Variants in CHST9 observed in about 807,000 individuals in gnomAD.
The protein encoded by CHST9 is GalNAc-4-sulfotransferase 2.
Under a neutral mutation model 44.4 loss-of-function variants are expected in CHST9, and 41 were observed. That is an observed-to-expected ratio of 0.92 (90% confidence interval 0.72 to 1.20). CHST9 has a LOEUF of 1.20. Among genes scored for constraint, CHST9 ranks in the 50% most tolerant of loss-of-function variants. The pLI is 0.00. For synonymous variants in CHST9, 171 were observed against 178.4 expected (o/e 0.96, Z 0.33); for missense variants, 504 against 516.5 (o/e 0.98, Z 0.23).
chr18:27,161,262 C>T (rs1347995270), intron 1 of CHST9, among the ~76,000 whole-genome samples: 3 of 152,156 alleles, frequency 2.0e-5, no homozygotes, highest in African/African-American at 7.2e-5. Context: ...TTATAAATTT[C>T]CCTGTACACA....
intron 4 of CHST9, among the ~76,000 whole-genome samples, chr18:26,989,820 G>C (rs987010762): frequency 6.6e-6 from 1 of 152,088 alleles, no homozygotes; most frequent in Non-Finnish European, 1.5e-5. Context: ...CATGGTGGCA[G>C]GTGCCTGTAA....
chr18:26,936,168 G>A (rs2055987839), intron 5 of CHST9: 1 of 152,168 alleles, frequency 6.6e-6, no homozygotes, highest in African/African-American at 2.4e-5. Context: ...GAATTCCACA[G>A]AATTAGCCTG....
chr18:27,165,489 C>A (rs1439394313), intron 1 of CHST9, among the ~76,000 whole-genome samples: 2 of 152,074 alleles, frequency 1.3e-5, no homozygotes, highest in Non-Finnish European at 2.9e-5. Context: ...TCCTCTCATC[C>A]CATGGTGGGA....
intron 2 of CHST9, among the ~76,000 whole-genome samples, chr18:27,071,073 T>C (rs2057834394): frequency 6.6e-6 from 1 of 152,174 alleles, no homozygotes; most frequent in Admixed American, 6.5e-5. Flanking sequence ...GTTTCTGGGC[T>C]CTGAGAATGA....
intron 2 of CHST9, among the ~76,000 whole-genome samples, chr18:27,112,595 G>GTGTGTGTGTGTGTT (rs2058281577): frequency 6.7e-6 from 1 of 150,004 alleles, no homozygotes; most frequent in African/African-American, 2.5e-5. Context: ...GTGTGTGTGT[G>GTGTGTGTGTGTGTT]TGTGTGTGTG....
intron 5 of CHST9, among the ~76,000 whole-genome samples, chr18:26,929,923 A>G (rs1204890540): frequency 6.6e-6 from 1 of 152,164 alleles, no homozygotes; most frequent in Non-Finnish European, 1.5e-5. Flanking sequence ...CAACATGCCA[A>G]TGCCTACTAG....
chr18:27,021,659 T>C (rs903692578), intron 4 of CHST9, among the ~76,000 whole-genome samples: 2 of 152,132 alleles, frequency 1.3e-5, no homozygotes, highest in African/African-American at 4.8e-5. Flanking sequence ...TGCTTCCCCA[T>C]TGCAGAATTT....
chr18:27,153,574 G>GTA (rs1179686350), intron 1 of CHST9, among the ~76,000 whole-genome samples: 2 of 148,822 alleles, frequency 1.3e-5, no homozygotes, highest in East Asian at 2.0e-4. Context: ...GTGTATGTGT[G>GTA]TGTGTGTGTG....
intron 5 of CHST9, among the ~76,000 whole-genome samples, chr18:26,931,403 C>A (rs566452915): frequency 6.6e-6 from 1 of 152,280 alleles, no homozygotes; most frequent in African/African-American, 2.4e-5. Context: ...TCATTTTAGG[C>A]CAATAGTAAC....
intron 1 of CHST9, among the ~76,000 whole-genome samples, chr18:27,144,154 C>G (rs2058592573): frequency 6.6e-6 from 1 of 152,104 alleles, no homozygotes; most frequent in South Asian, 2.1e-4. Context: ...AGAACACAAC[C>G]CCTCTGGGTG....
At chr18:27,150,043 G>T (rs1203648973) in intron 1 of CHST9, among the ~76,000 whole-genome samples, 3 of 151,204 alleles carry the variant, frequency 2.0e-5, no homozygotes, top group South Asian at 4.2e-4. Context: ...CTTAGCATTA[G>T]ATTTATTTCT....
intron 4 of CHST9, among the ~76,000 whole-genome samples, chr18:27,004,207 T>C (rs1185007): frequency 0.34 from 51,519 of 151,572 alleles, 9,469 homozygotes; most frequent in East Asian, 0.47. Context: ...AGCAAATTAC[T>C]GCGAGCAACA....
intron 1 of CHST9, among the ~76,000 whole-genome samples, chr18:27,171,295 G>A (rs1427271924): frequency 6.6e-6 from 1 of 152,154 alleles, no homozygotes; most frequent in Non-Finnish European, 1.5e-5. Flanking sequence ...GGTGGGCATG[G>A]GGAGGACATG....
chr18:26,984,729 C>CAA (rs200222761), intron 4 of CHST9, among the ~76,000 whole-genome samples: 104 of 61,710 alleles, frequency 1.7e-3, no homozygotes, highest in Admixed American at 5.7e-3. Context: ...TACCAAAAGA[C>CAA]AAAAAAAAAA....
intron 2 of CHST9, among the ~76,000 whole-genome samples, chr18:27,133,884 G>A (rs1444178152): frequency 6.6e-6 from 1 of 152,160 alleles, no homozygotes; most frequent in Non-Finnish European, 1.5e-5. Context: ...ACGAGGTGTG[G>A]CGCTGTCCAG....
At chr18:27,067,434 AG>A (rs1308272109) in intron 2 of CHST9, among the ~76,000 whole-genome samples, 3 of 56,156 alleles carry the variant, frequency 5.3e-5, no homozygotes, top group Admixed American at 3.0e-4. Flanking sequence ...AAAAATAAAA[AG>A]AAGAAAAAGA....
At chr18:27,011,343 C>T (rs1469809435) in intron 4 of CHST9, among the ~76,000 whole-genome samples, 5 of 152,154 alleles carry the variant, frequency 3.3e-5, no homozygotes, top group African/African-American at 9.7e-5. Flanking sequence ...AAGCTTCAAA[C>T]AGTTCATAGA....
chr18:27,112,758 AT>A (rs1264569487), intron 2 of CHST9, among the ~76,000 whole-genome samples: 1 of 152,110 alleles, frequency 6.6e-6, no homozygotes, highest in Admixed American at 6.5e-5. Flanking sequence ...AGCAAAAAAA[AT>A]AAAAATAAAA....
In CHST9 at chr18:27,116,442, T is replaced by C. The variant is rs971011138; in HGVS notation, c.121+26247A>G. 3.9e-5 allele frequency among the ~76,000 whole-genome samples: 6 copies of C among 152,210 alleles called. No homozygotes were observed. The East Asian group carries it at 9.6e-4, about 24-fold the overall frequency. The stretch of plus-strand genomic sequence containing the variant: ...AATTGACCATAAATATGAGGGTTGA[T>C]TTCTGAGCTCTCAATTCCAATCCAT... On this transcript the variant is annotated intron_variant, in intron 2 of 5. Transcript: ENST00000618847.
Sources: allele counts gnomAD v4.1 joint callset (sites outside exome capture counted in the v4.1 genomes callset), GRCh38; gene constraint gnomAD v4.1.1; transcripts MANE v1.5; gene names NCBI Gene and HGNC (gene_info 2026-07-23, HGNC 2026-07-21).